The following CLMN variants were observed in gnomAD, a reference collection of about 807,000 sequenced individuals.
CLMN encodes calmin (calponin-like, transmembrane).
Under a neutral mutation model 92.7 loss-of-function variants are expected in CLMN, and 57 were observed. The ratio of observed to expected loss-of-function variants is 0.61; its 90% CI spans 0.50 to 0.77. The LOEUF (loss-of-function observed/expected upper bound fraction) is 0.77, where lower values mean the gene tolerates loss of function less well. Ranked by LOEUF, CLMN falls within the 30% of genes least tolerant of loss-of-function variation. The pLI, the probability that CLMN is intolerant of heterozygous loss-of-function variation, is 0.00. For synonymous variants in CLMN, 466 were observed against 470.6 expected (o/e 0.99, Z 0.13); for missense variants, 1,158 against 1,237.5 (o/e 0.94, Z 0.96).
chr14:95,262,537 A>C (rs8018427), intron 1 of CLMN, among the ~76,000 whole-genome samples: 18,796 of 152,096 alleles, frequency 0.12, 1,666 homozygotes, highest in African/African-American at 0.24. Context: ...TGGTAAGTTC[A>C]AGGTAGGGCC....
chr14:95,283,291 G>A (rs1057005764), intron 1 of CLMN, among the ~76,000 whole-genome samples: 2 of 152,154 alleles, frequency 1.3e-5, no homozygotes, highest in African/African-American at 4.8e-5. Context: ...CTTCCGCCAC[G>A]ATGCTGAGGC....
At chr14:95,262,726 C>T (rs1899308594) in intron 1 of CLMN, among the ~76,000 whole-genome samples, 1 of 152,050 alleles carries the variant, frequency 6.6e-6, no homozygotes, top group African/African-American at 2.4e-5. Context: ...GCCACCATGC[C>T]CGGCTAATTT....
rs1896642216 is a variant in CLMN at position 95,194,389 on chromosome 14, G to A, written c.2769+147C>T. On this transcript the variant is annotated intron_variant, in intron 11 of 12. Coordinates refer to ENST00000298912, the MANE Select transcript of CLMN (RefSeq NM_024734.4). This position sits in a 1 kb window ranked among gnomAD's most constrained non-coding sequence, Gnocchi z 4.0. ...GATATCCGATCGGACTGTGCTTAAT[G>A]ATAAGGTTCCAATCTGCTTGTCTTC... 3 of 1,503,356 alleles carry A rather than the reference G, an allele frequency of 2.0e-6. No individual in the cohort carries two copies. Among genetic ancestry groups the A allele is most frequent in the Non-Finnish European group, 2.7e-6 (3 of 1,124,438 alleles). The allele number at this position is 1,503,356 out of a possible 1,614,324, so 93.1% of individuals were successfully genotyped here. A position where few individuals can be genotyped will look rare whatever the true frequency, so the allele number is the denominator to read the frequency against.
chr14:95,257,021 A>G (rs1899028048), intron 1 of CLMN, among the ~76,000 whole-genome samples: 1 of 152,224 alleles, frequency 6.6e-6, no homozygotes, highest in Non-Finnish European at 1.5e-5. Context: ...GGAGGGGGAC[A>G]CAGAGGAGGG....
At chr14:95,225,062 C>T (rs1293286258) in intron 2 of CLMN, among the ~76,000 whole-genome samples, 1 of 151,788 alleles carries the variant, frequency 6.6e-6, no homozygotes, top group African/African-American at 2.4e-5. Flanking sequence ...GGTCGATTTA[C>T]ATGTCCATGT....
chr14:95,314,602 G>A (rs1265603286), intron 1 of CLMN, among the ~76,000 whole-genome samples: 6 of 152,158 alleles, frequency 3.9e-5, no homozygotes, highest in Non-Finnish European at 5.9e-5. Context: ...ATCTCACAGC[G>A]AGTTTGCAAC....
In CLMN at chr14:95,251,490, T is replaced by C. The variant is rs190042848; in HGVS notation, c.83-21357A>G. Reference sequence around the variant, plus strand: ...GTTACAGAACGAGGACGACCTAGCATCTGAATCAAAAAGGTCATTGTATAC... The same window carrying C: ...GTTACAGAACGAGGACGACCTAGCACCTGAATCAAAAAGGTCATTGTATAC... On this transcript the variant is annotated intron_variant, in intron 1 of 12. Transcript: ENST00000298912. Among the ~76,000 whole-genome samples, 123 of 152,326 alleles carry C rather than the reference T, an allele frequency of 8.1e-4. 1 individual carries two copies. The South Asian group carries it at 0.014, about 18-fold the overall frequency.
chr14:95,279,159 T>TA (rs936121889), intron 1 of CLMN, among the ~76,000 whole-genome samples: 1 of 152,190 alleles, frequency 6.6e-6, no homozygotes, highest in African/African-American at 2.4e-5. Context: ...GTCAGAAAAA[T>TA]AAAAACTTTA....
At chr14:95,296,233 G>C (rs965928798) in intron 1 of CLMN, 6 of 152,270 alleles carry the variant, frequency 3.9e-5, no homozygotes, top group African/African-American at 1.4e-4. Flanking sequence ...ACAAGACAGA[G>C]AGGAAGGGGG....
At chr14:95,260,031 C>G (rs1215690910) in intron 1 of CLMN, among the ~76,000 whole-genome samples, 1 of 152,224 alleles carries the variant, frequency 6.6e-6, no homozygotes, top group Admixed American at 6.5e-5. Context: ...TTTCCACTCC[C>G]TGCTATTGCA....
chr14:95,254,077 A>C (rs1898899197), intron 1 of CLMN, among the ~76,000 whole-genome samples: 1 of 152,144 alleles, frequency 6.6e-6, no homozygotes, highest in African/African-American at 2.4e-5. Flanking sequence ...GTCCCCTCCT[A>C]GCAGCACCAC....
At chr14:95,204,673 T>C (rs1458306093) in intron 8 of CLMN, among the ~76,000 whole-genome samples, 1 of 152,158 alleles carries the variant, frequency 6.6e-6, no homozygotes, top group Non-Finnish European at 1.5e-5. Context: ...TTGTTCCTGC[T>C]GAAATATGAA....
intron 6 of CLMN, 90 bp downstream of exon 6, chr14:95,213,129 C>T: frequency 7.1e-7 from 1 of 1,401,056 alleles, no homozygotes; most frequent in Non-Finnish European, 9.9e-7. Flanking sequence ...ACATACATAA[C>T]TGGCACCTTA....
At chr14:95,317,531 G>A (rs1417629583) in intron 1 of CLMN, among the ~76,000 whole-genome samples, 1 of 150,404 alleles carries the variant, frequency 6.6e-6, no homozygotes, top group Non-Finnish European at 1.5e-5. Flanking sequence ...CCATGGAATA[G>A]TACTCAGCAA....
At chr14:95,217,765 GC>G (rs1306884635) in intron 4 of CLMN, among the ~76,000 whole-genome samples, 4 of 152,248 alleles carry the variant, frequency 2.6e-5, no homozygotes, top group Non-Finnish European at 5.9e-5. Flanking sequence ...GACAGCTGTG[GC>G]CCTGTAAGCT....
chr14:95,290,694 T>C (rs1900530479), intron 1 of CLMN, among the ~76,000 whole-genome samples: 2 of 152,370 alleles, frequency 1.3e-5, no homozygotes, highest in South Asian at 2.1e-4. Flanking sequence ...CCTCCAGAAC[T>C]GTGAGATGCC....
chr14:95,304,322 G>T (rs559138731), intron 1 of CLMN, among the ~76,000 whole-genome samples: 1 of 151,266 alleles, frequency 6.6e-6, no homozygotes, highest in Non-Finnish European at 1.5e-5. Context: ...CAGCCTGGGC[G>T]ACAGAGAGAA....
chr14:95,222,314 G>T, intron 3 of CLMN: 1 of 243,446 alleles, frequency 4.1e-6, no homozygotes, highest in Non-Finnish European at 8.3e-6. Flanking sequence ...GAGAAAGAGA[G>T]AGAAAGAGAA....
intron 1 of CLMN, among the ~76,000 whole-genome samples, chr14:95,300,194 TGA>T (rs1900986942): frequency 6.6e-6 from 1 of 152,194 alleles, no homozygotes; most frequent in Non-Finnish European, 1.5e-5. Flanking sequence ...CAGAGGTGGC[TGA>T]GACCACATCC....
Sources: allele counts gnomAD v4.1 joint callset (sites outside exome capture counted in the v4.1 genomes callset), GRCh38; gene constraint gnomAD v4.1.1; non-coding constraint Gnocchi (gnomAD v3.1); transcripts MANE v1.5; gene names NCBI Gene and HGNC (gene_info 2026-07-23, HGNC 2026-07-21).